HVCN1: variants seen among roughly 807,000 people sequenced by gnomAD.
HVCN1 encodes voltage-gated hydrogen channel 1.
In HVCN1, 14 loss-of-function variants were observed where a neutral mutation model predicts 29.2. The ratio of observed to expected loss-of-function variants is 0.48; its 90% confidence interval spans 0.32 to 0.75. HVCN1 has a LOEUF of 0.75. Among genes scored for constraint, HVCN1 ranks in the 30% least tolerant of loss-of-function variants. The probability of loss-of-function intolerance (pLI) is 0.04; values close to 1 mark genes in which losing one functional copy is unlikely to be tolerated. For missense variants in HVCN1, 263 were observed against 341.8 expected, an observed-to-expected ratio of 0.77 and a Z score of 1.82; for synonymous variants, 131 against 133.2, an observed-to-expected ratio of 0.98 and a Z score of 0.11.
At chr12:110,669,706 G>T (rs2068505936) in intron 3 of HVCN1, among the ~76,000 whole-genome samples, 1 of 152,038 alleles carries the variant, frequency 6.6e-6, no homozygotes, top group African/African-American at 2.4e-5. Flanking sequence ...CACCACATTG[G>T]GCTGTGAACG....
chr12:110,682,960 A>G (rs571099065), intron 3 of HVCN1: 21 of 390,826 alleles, frequency 5.4e-5, no homozygotes, highest in South Asian at 1.5e-4. Context: ...GTGAAACTCC[A>G]TCTCAAAAAA....
upstream of HVCN1, among the ~76,000 whole-genome samples, chr12:110,692,401 AGTTGG>A (rs1241813200): frequency 1.3e-5 from 2 of 152,140 alleles, no homozygotes; most frequent in African/African-American, 4.8e-5. Context: ...CTCCCATTTT[AGTTGG>A]GAAAGTGAGG....
chr12:110,683,011 G>C (rs554534301), intron 3 of HVCN1: 5 of 609,584 alleles, frequency 8.2e-6, no homozygotes, highest in Non-Finnish European at 1.4e-5. Flanking sequence ...TAACATACAG[G>C]GCTGGGATTC....
intron 2 of HVCN1, among the ~76,000 whole-genome samples, chr12:110,684,663 G>A (rs1341638608): frequency 6.6e-6 from 1 of 152,198 alleles, no homozygotes; most frequent in African/African-American, 2.4e-5. Context: ...GGAGTGATCT[G>A]GGTGTGGGGC....
chr12:110,664,955 C>T (rs566386881), intron 3 of HVCN1, among the ~76,000 whole-genome samples: 1 of 152,214 alleles, frequency 6.6e-6, no homozygotes, highest in African/African-American at 2.4e-5. Context: ...GTAGAGAGAC[C>T]TCATTGAACA....
At chr12:110,667,349 G>A (rs1421161874) in intron 3 of HVCN1, among the ~76,000 whole-genome samples, 1 of 152,146 alleles carries the variant, frequency 6.6e-6, no homozygotes, top group African/African-American at 2.4e-5. Flanking sequence ...GGCCAAGCTG[G>A]TCTCGAACTC....
chr12:110,691,253 C>T (rs1279063463), upstream of HVCN1, among the ~76,000 whole-genome samples: 1 of 151,402 alleles, frequency 6.6e-6, no homozygotes, highest in East Asian at 2.0e-4. Flanking sequence ...TTAGTAGAGA[C>T]GGGGTTTCAC....
chr12:110,684,602 T>C (rs2069111908), intron 2 of HVCN1, among the ~76,000 whole-genome samples: 1 of 152,182 alleles, frequency 6.6e-6, no homozygotes, highest in Non-Finnish European at 1.5e-5. Flanking sequence ...CAGATGCTTT[T>C]TTTTGGTCCG....
intron 2 of HVCN1, among the ~76,000 whole-genome samples, chr12:110,700,290 C>T (rs574576408): frequency 1.9e-4 from 29 of 152,326 alleles, no homozygotes; most frequent in East Asian, 3.9e-4. Context: ...TTGTCCTTGT[C>T]GCCCAGCCAT....
chr12:110,651,396 A>G lies in HVCN1; in HGVS notation c.464T>C (p.Ile155Thr), dbSNP rs2067809667. Residue 155 changes from isoleucine (I) to threonine (T), a missense_variant, in exon 6 of 8, where the codon ATC (isoleucine) becomes ACC (threonine). Coordinates refer to ENST00000242607, the MANE Select transcript of HVCN1 (RefSeq NM_032369.4). The stretch of plus-strand genomic sequence containing the variant: ...CAGGCGGAAGACAAATAATTTAAAG[A>G]TGATCTCCATCATAAAAAAGACCAA... The part of the protein sequence containing the change: ...TILVFFMMEI[I>T]FKLFVFRLEF... 3.7e-6 allele frequency: 6 copies of G among 1,614,044 alleles called. No homozygotes were observed. The highest frequency in any genetic ancestry group is 5.1e-6 in the Non-Finnish European group (6 of 1,179,906).
At chr12:110,704,454 G>A (rs1391290932) in intron 1 of HVCN1, among the ~76,000 whole-genome samples, 3 of 151,722 alleles carry the variant, frequency 2.0e-5, no homozygotes, top group Non-Finnish European at 2.9e-5. Flanking sequence ...TTTGAGACCA[G>A]CCTGGGGCAA....
chr12:110,697,312 G>C (rs2069508127), intron 2 of HVCN1, among the ~76,000 whole-genome samples: 2 of 152,034 alleles, frequency 1.3e-5, no homozygotes, highest in Non-Finnish European at 2.9e-5. Context: ...GACCAAGCTA[G>C]GGCCTGGGCA....
In HVCN1 at chr12:110,650,152, G is replaced by T. The variant is rs201188204; in HGVS notation, c.756+16C>A. 9.4e-5 allele frequency: 145 copies of T among 1,548,642 alleles called. 2 individuals carry two copies. The Middle Eastern group carries it at 1.4e-3, about 14-fold the overall frequency. Reference sequence around the variant, plus strand: ...GAGCCACCACGCCTGGTCCCCAGATGTGTCGTCTTTCTTACCTTCTCAGAG... The same window carrying T: ...GAGCCACCACGCCTGGTCCCCAGATTTGTCGTCTTTCTTACCTTCTCAGAG... On this transcript the variant is annotated intron_variant, in intron 7 of 7. Coordinates refer to ENST00000242607, the MANE Select transcript of HVCN1 (RefSeq NM_032369.4).
intron 3 of HVCN1, among the ~76,000 whole-genome samples, chr12:110,675,301 A>T (rs766059872): frequency 6.6e-6 from 1 of 152,184 alleles, no homozygotes; most frequent in Non-Finnish European, 1.5e-5. Flanking sequence ...TCTACTAAAA[A>T]TACAAAAATT....
chr12:110,657,422 G>A (rs1437467779), intron 4 of HVCN1, among the ~76,000 whole-genome samples: 1 of 151,556 alleles, frequency 6.6e-6, no homozygotes, highest in Non-Finnish European at 1.5e-5. Context: ...TTCAACCTGG[G>A]AGGCGGAGGT....
intron 2 of HVCN1, among the ~76,000 whole-genome samples, chr12:110,683,513 T>C (rs2069063041): frequency 6.6e-6 from 1 of 152,220 alleles, no homozygotes; most frequent in Non-Finnish European, 1.5e-5. Flanking sequence ...ACAGCATTAT[T>C]CTTAAAAGCC....
At chr12:110,678,419 T>TAGTAACTTCAG (rs2068819962) in intron 3 of HVCN1, among the ~76,000 whole-genome samples, 1 of 151,458 alleles carries the variant, frequency 6.6e-6, no homozygotes, top group Non-Finnish European at 1.5e-5. Context: ...GGCGCTCTTA[T>TAGTAACTTCAG]TTTCCATTTC....
chr12:110,688,610 T>C lies in HVCN1; in HGVS notation c.-20+15A>G. On this transcript the variant is annotated intron_variant, in intron 2 of 7. Coordinates refer to ENST00000242607, the MANE Select transcript of HVCN1 (RefSeq NM_032369.4). ...GGGCAGGGACGATGCATCCGAGGAC[T>C]TAGGGGACACAGACCTGGTTGTGAG... 6.6e-6 allele frequency: 1 copy of C among 152,352 alleles called. No individual in the cohort carries two copies. The highest frequency in any genetic ancestry group is 3.1e-3 in the Middle Eastern group (1 of 318). The allele number at this position is 152,352 out of a possible 1,614,324, so 9.4% of individuals were successfully genotyped here. A position where few individuals can be genotyped will look rare whatever the true frequency, so the allele number is the denominator to read the frequency against.
At chr12:110,674,533 G>A (rs996511716) in intron 3 of HVCN1, among the ~76,000 whole-genome samples, 4 of 152,174 alleles carry the variant, frequency 2.6e-5, no homozygotes, top group African/African-American at 9.7e-5. Flanking sequence ...ATCTTAACTT[G>A]AATTATATCT....
Sources: allele counts gnomAD v4.1 joint callset (sites outside exome capture counted in the v4.1 genomes callset), GRCh38; gene constraint gnomAD v4.1.1; transcripts MANE v1.5; gene names NCBI Gene and HGNC (gene_info 2026-07-23, HGNC 2026-07-21).